The following ARB2A variants were observed in gnomAD, a reference collection of about 807,000 sequenced individuals.
ARB2A encodes the protein ARB2 cotranscriptional regulator A, also known as cotranscriptional regulator ARB2A.
the ARB2A span, among the ~76,000 whole-genome samples, chr5:93,879,925 G>T: frequency 6.6e-6 from 1 of 151,682 alleles, no homozygotes; most frequent in South Asian, 2.1e-4. Flanking sequence ...GATATCAGAG[G>T]TAATCTTTTA....
At chr5:93,710,522 CCA>C in the ARB2A span, among the ~76,000 whole-genome samples, 1 of 151,994 alleles carries the variant, frequency 6.6e-6, no homozygotes, top group African/African-American at 2.4e-5. Flanking sequence ...TAATTGCAAG[CCA>C]CACACACATA....
At chr5:93,931,388 CA>C in the ARB2A span, among the ~76,000 whole-genome samples, 1 of 152,130 alleles carries the variant, frequency 6.6e-6, no homozygotes, top group Non-Finnish European at 1.5e-5. Flanking sequence ...CACTTGAACC[CA>C]GGAGGCGGAG....
At chr5:93,839,846 G>T in the ARB2A span, among the ~76,000 whole-genome samples, 2 of 152,000 alleles carry the variant, frequency 1.3e-5, no homozygotes, top group South Asian at 4.1e-4. Context: ...ACAGTGTTTT[G>T]TATTTTTGTG....
chr5:93,948,446 C>A, the ARB2A span, among the ~76,000 whole-genome samples: 1 of 151,940 alleles, frequency 6.6e-6, no homozygotes, highest in African/African-American at 2.4e-5. Context: ...AAATTTTCTC[C>A]CATTTTGTAG....
the ARB2A span, among the ~76,000 whole-genome samples, chr5:93,714,791 C>T: frequency 1.3e-5 from 2 of 152,186 alleles, no homozygotes; most frequent in Non-Finnish European, 2.9e-5. Context: ...GAGAATATTC[C>T]TATTGGAGCT....
the ARB2A span, among the ~76,000 whole-genome samples, chr5:93,655,046 C>T: frequency 6.6e-6 from 1 of 152,132 alleles, no homozygotes; most frequent in Non-Finnish European, 1.5e-5. Flanking sequence ...CTTTTTGATT[C>T]TGCACAAATC....
At chr5:94,069,749 C>A in the ARB2A span, among the ~76,000 whole-genome samples, 4 of 151,960 alleles carry the variant, frequency 2.6e-5, no homozygotes, top group African/African-American at 9.7e-5. Context: ...ATCCTCTCAC[C>A]CCAGTTAGAA....
chr5:93,772,497 C>T, the ARB2A span, among the ~76,000 whole-genome samples: 1 of 151,976 alleles, frequency 6.6e-6, no homozygotes, highest in Non-Finnish European at 1.5e-5. Context: ...GAAGTTTAAG[C>T]CTGTTGCATT....
At chr5:93,948,435 A>C in the ARB2A span, among the ~76,000 whole-genome samples, 1 of 152,026 alleles carries the variant, frequency 6.6e-6, no homozygotes, top group Admixed American at 6.5e-5. Flanking sequence ...GTAGGTTGTG[A>C]AAATTTTCTC....
chr5:93,850,534 C>T, the ARB2A span, among the ~76,000 whole-genome samples: 1 of 152,156 alleles, frequency 6.6e-6, no homozygotes, highest in Non-Finnish European at 1.5e-5. Context: ...GAGAAGCTTG[C>T]TCCTGCTGAT....
chr5:94,048,911 T>C, the ARB2A span, among the ~76,000 whole-genome samples: 4 of 152,292 alleles, frequency 2.6e-5, no homozygotes, highest in South Asian at 2.1e-4. Context: ...CTCAGAGATA[T>C]ACAGAAATGC....
At chr5:94,073,919 C>A in the ARB2A span, among the ~76,000 whole-genome samples, 1 of 152,100 alleles carries the variant, frequency 6.6e-6, no homozygotes, top group Non-Finnish European at 1.5e-5. Flanking sequence ...ATTCTCAGTT[C>A]TCATCTAATC....
the ARB2A span, among the ~76,000 whole-genome samples, chr5:94,038,496 T>C: frequency 6.6e-6 from 1 of 152,106 alleles, no homozygotes; most frequent in Non-Finnish European, 1.5e-5. Flanking sequence ...TAAAAATATA[T>C]ACATATTAGC....
the ARB2A span, among the ~76,000 whole-genome samples, chr5:93,759,347 C>T: frequency 3.9e-5 from 6 of 152,222 alleles, no homozygotes; most frequent in East Asian, 1.9e-4. Context: ...ATCCTTTTGA[C>T]ACTATTCCAT....
At chr5:94,103,778 G>C in the ARB2A span, among the ~76,000 whole-genome samples, 342 of 132,006 alleles carry the variant, frequency 2.6e-3, no homozygotes, top group African/African-American at 9.7e-3. Flanking sequence ...CAGCCATAAA[G>C]GAATTCTCAA....
chr5:94,005,843 C>G, the ARB2A span, among the ~76,000 whole-genome samples: 11 of 152,232 alleles, frequency 7.2e-5, no homozygotes, highest in African/African-American at 2.6e-4. Flanking sequence ...TATCACTACA[C>G]ATTCGTCAAA....
chr5:94,102,150 C>T, the ARB2A span, among the ~76,000 whole-genome samples: 1 of 148,424 alleles, frequency 6.7e-6, no homozygotes, highest in Non-Finnish European at 1.5e-5. Flanking sequence ...CAAATGACTG[C>T]ACCACCTGCC....
chr5:93,701,387 T>C, the ARB2A span, among the ~76,000 whole-genome samples: 1 of 152,170 alleles, frequency 6.6e-6, no homozygotes, highest in Non-Finnish European at 1.5e-5. Flanking sequence ...GTATGTTATT[T>C]CACCACAATT....
the ARB2A span, among the ~76,000 whole-genome samples, chr5:93,632,415 G>A: frequency 6.6e-6 from 1 of 152,330 alleles, no homozygotes; most frequent in Non-Finnish European, 1.5e-5. Flanking sequence ...GGAACTCAAA[G>A]GGTTAGTGGG....
Sources: gnomAD v4.1 joint callset for allele counts (sites outside exome capture counted in the v4.1 genomes callset) on GRCh38, gnomAD v4.1.1 for gene constraint, MANE v1.5 for transcripts, NCBI Gene and HGNC (gene_info 2026-07-23, HGNC 2026-07-21) for gene names.